The following SPANXB1 variants were observed in gnomAD, a reference collection of about 807,000 sequenced individuals.
The protein encoded by SPANXB1 is SPANX family member B1, also known as sperm protein associated with the nucleus on the X chromosome B1.
In SPANXB1, 1 loss-of-function variant was observed where a neutral mutation model predicts 2.0. The ratio of observed to expected loss-of-function variants is 0.49; its 90% CI spans 0.18 to 2.34. SPANXB1 has a LOEUF of 2.34. SPANXB1 is among the 30% of genes most tolerant of loss of function. The probability of loss-of-function intolerance (pLI) is 0.26; values close to 1 mark genes in which losing one functional copy is unlikely to be tolerated. For missense variants in SPANXB1, 70 were observed against 87.5 expected (o/e 0.80, Z 0.80); for synonymous variants, 22 against 35.8 (o/e 0.61, Z 1.38).
Position 141,002,650 on chromosome X carries a change from A to G in SPANXB1, c.-44A>G. The G allele has an allele frequency of 8.2e-7, 1 of 1,212,402 alleles. No individual in the cohort carries two copies. The highest frequency in any genetic ancestry group is 1.1e-6 in the Non-Finnish European group (1 of 895,298). ...CTCTGGGCCACTGCGAAGATTCAAA[A>G]GCTCCAAAAACCTACTGTAGACATC... On this transcript the variant is annotated 5_prime_UTR_variant, in exon 1 of 2. Coordinates refer to ENST00000449283, the MANE Select transcript of SPANXB1 (RefSeq NM_032461.4).
intron 1 of SPANXB1, 106 bp downstream of exon 1, chrX:141,002,889 G>C: frequency 8.4e-7 from 1 of 1,184,405 alleles, no homozygotes; most frequent in Admixed American, 2.3e-5. Context: ...TTGTGGAAGT[G>C]GGGGGCCCGC....
rs1381431077 is a variant in SPANXB1, at chrX:141,003,445, A to C, written c.105A>C (p.Pro35=). 1.7e-5 allele frequency: 21 copies of C among 1,211,734 alleles called. No individual in the cohort carries two copies. In the East Asian group the frequency reaches 5.9e-4, roughly 34 times the overall value. Residue 35 remains proline (P), a synonymous_variant, in exon 2 of 2, where the codon CCA becomes CCC. Transcript: ENST00000449283. ...TTTCTTAACAGATGCCGGAGACCCC[A>C]ACTGGGGACTCAGACCCGCAACCTG... ...NEANKTMPET[P]TGDSDPQPAP... is the part of the protein sequence containing the mutation.
chrX:141,003,082 T>C (rs1477377480), intron 1 of SPANXB1, among the ~76,000 whole-genome samples: 1 of 113,219 alleles, frequency 8.8e-6, no homozygotes, highest in African/African-American at 3.2e-5. Context: ...CCAAGCAAGA[T>C]ATGATAGGGA....
chrX:141,003,101 C>T (rs1262896064), intron 1 of SPANXB1, among the ~76,000 whole-genome samples: 2 of 113,301 alleles, frequency 1.8e-5, no homozygotes, highest in Admixed American at 9.3e-5. Context: ...GATGTTTCTT[C>T]AGTTGGGCCT....
In SPANXB1 at chrX:141,002,705, A is replaced by T. The variant is rs2012325550; in HGVS notation, c.12A>T (p.Gln4His). Residue 4 changes from glutamine (Q) to histidine (H), a missense_variant, in exon 1 of 2, where the codon CAA (glutamine) becomes CAT (histidine). Physicochemically the swap from Gln to His is conservative, Grantham distance 24. Coordinates refer to ENST00000449283, the MANE Select transcript of SPANXB1 (RefSeq NM_032461.4). Reference sequence around the variant, plus strand: ...AACCAATATATACAATGGGCCAACAATCCAGTGTCCGCAGGCTGAAGAGGA... The same window carrying T: ...AACCAATATATACAATGGGCCAACATTCCAGTGTCCGCAGGCTGAAGAGGA... MGQ[Q>H]SSVRRLKRSV... 6 of 1,212,664 alleles carry T rather than the reference A, an allele frequency of 4.9e-6. No homozygotes were observed. Among genetic ancestry groups the T allele is most frequent in the Middle Eastern group, 4.6e-4 (2 of 4,351 alleles).
chrX:141,003,124 C>T (rs1278730379), intron 1 of SPANXB1, among the ~76,000 whole-genome samples: 11 of 113,314 alleles, frequency 9.7e-5, no homozygotes, highest in Middle Eastern at 4.6e-3. Context: ...GTCCGCCTTG[C>T]GGACAGGTGG....
At chrX:141,003,350 C>G (rs2012343981) in intron 1 of SPANXB1, 81 bp from the exon 2 acceptor site, 1 of 1,210,789 alleles carries the variant, frequency 8.3e-7, no homozygotes, top group Non-Finnish European at 1.1e-6. Context: ...TCCTTCTTCT[C>G]ATGAAGCCCC....
At chrX:141,003,403 T>C in intron 1 of SPANXB1, 28 bp from the exon 2 acceptor site, 1 of 1,212,166 alleles carries the variant, frequency 8.2e-7, no homozygotes, top group Non-Finnish European at 1.1e-6. Context: ...AATAATGTCC[T>C]CCTGGCCTCT....
In SPANXB1 at chrX:141,003,484, G is replaced by A. The variant is rs1369228520; in HGVS notation, c.144G>A (p.Met48Ile). Residue 48 changes from methionine (M) to isoleucine (I), a missense_variant, in exon 2 of 2, where the codon ATG becomes ATA. This residue lies in a region of SPANXB1 where 5 missense variants were observed against 37.4 expected (regional missense o/e 0.13). Transcript: ENST00000449283. The stretch of plus-strand genomic sequence containing the variant: ...ACCCGCAACCTGCTCCTAAAAAAAT[G>A]AAAACATCTGAGTCCTCGACCATAC... ...DSDPQPAPKK[M>I]KTSESSTILV... 76 of 1,211,533 alleles carry A rather than the reference G, an allele frequency of 6.3e-5. No individual in the cohort carries two copies. The highest frequency in any genetic ancestry group is 5.7e-4 in the African/African-American group (33 of 57,852).
Position 141,002,717 on chromosome X carries a change from C to A in SPANXB1, c.24C>A (p.Arg8=). 8.2e-7 allele frequency: 1 copy of A among 1,212,719 alleles called. No homozygotes were observed. The highest frequency in any genetic ancestry group is 1.1e-6 in the Non-Finnish European group (1 of 895,539). MGQQSSV[R]RLKRSVPCES... ...CAATGGGCCAACAATCCAGTGTCCG[C>A]AGGCTGAAGAGGAGCGTCCCCTGTG... The change falls in exon 1 of 2, where the codon CGC becomes CGA. Residue 8 remains arginine (R), a synonymous_variant. Coordinates refer to ENST00000449283, the MANE Select transcript of SPANXB1 (RefSeq NM_032461.4).
rs2012354112 is a variant in SPANXB1 at position 141,003,618 on chromosome X, T to C, written c.278T>C (p.Phe93Ser). The change falls in exon 2 of 2, where the codon TTC becomes TCC. Residue 93 changes from phenylalanine to serine, a missense_variant. Transcript: ENST00000449283. ...INPDQMEEEE[F>S]IEITTERPKK ...CCCGACCAAATGGAGGAGGAGGAAT[T>C]CATAGAAATAACGACTGAAAGACCT... 1 of 1,210,716 alleles carries C rather than the reference T, an allele frequency of 8.3e-7. No homozygotes were observed. The highest frequency in any genetic ancestry group is 1.7e-5 in the African/African-American group (1 of 58,107).
Position 141,003,573 on chromosome X carries a change from C to T in SPANXB1, c.233C>T (p.Ala78Val). ...TSPEELLNDH[A>V]RENRINPDQM... is the part of the protein sequence containing the mutation. ...CCAGAGGAACTGCTGAATGACCACG[C>T]CCGAGAGAACAGAATCAACCCCGAC... Residue 78 changes from alanine (A) to valine (V), a missense_variant, in exon 2 of 2, where the codon GCC (alanine) becomes GTC (valine). Physicochemically the swap from Ala to Val is moderately conservative, Grantham distance 64. This residue lies in a region of SPANXB1 where 23 missense variants were observed against 25.2 expected (regional missense o/e 0.91). Coordinates refer to ENST00000449283, the MANE Select transcript of SPANXB1 (RefSeq NM_032461.4). The T allele has an allele frequency of 1.6e-6, 2 of 1,212,665 alleles. No individual in the cohort carries two copies. Among genetic ancestry groups the T allele is most frequent in the East Asian group, 5.9e-5 (2 of 33,843 alleles).
chrX:141,002,664 A>G lies in SPANXB1; in HGVS notation c.-30A>G. ...GAAGATTCAAAAGCTCCAAAAACCT[A>G]CTGTAGACATCGAAGAACCAATATA... On this transcript the variant is annotated 5_prime_UTR_variant, in exon 1 of 2. Coordinates refer to ENST00000449283, the MANE Select transcript of SPANXB1 (RefSeq NM_032461.4). 1.6e-6 allele frequency: 2 copies of G among 1,212,467 alleles called. No homozygotes were observed. The highest frequency in any genetic ancestry group is 3.5e-5 in the South Asian group (2 of 57,063).
chrX:141,002,907 C>G, intron 1 of SPANXB1, 124 bp downstream of exon 1: 1 of 1,158,077 alleles, frequency 8.6e-7, no homozygotes, highest in South Asian at 1.8e-5. Flanking sequence ...CGCTTAATGC[C>G]AGAGCCCACC....
rs2012334027 is a variant in SPANXB1 at position 141,002,935 on chromosome X, G to A, written c.90+152G>A. ...AGCCCACCGCCGCTTACAACCTGGG[G>A]TGCTTGTAGGTAGGGGTGGGAGGGG... On this transcript the variant is annotated intron_variant, in intron 1 of 1. Transcript: ENST00000449283. 3.6e-6 allele frequency: 4 copies of A among 1,102,569 alleles called. No individual in the cohort carries two copies. The South Asian group carries it at 7.8e-5, about 21-fold the overall frequency. The allele number at this position is 1,102,569 out of a possible 1,213,427, so 90.9% of individuals were successfully genotyped here. A position where few individuals can be genotyped will look rare whatever the true frequency, so the allele number is the denominator to read the frequency against.
At position 141,002,718 on chromosome X, in the gene SPANXB1, A is replaced by C. The variant is rs1369299142; in HGVS notation, c.25A>C (p.Arg9=). ...AATGGGCCAACAATCCAGTGTCCGC[A>C]GGCTGAAGAGGAGCGTCCCCTGTGA... MGQQSSVR[R]LKRSVPCESN... Residue 9 remains arginine (R), a synonymous_variant, in exon 1 of 2, where the codon AGG becomes CGG. Coordinates refer to ENST00000449283, the MANE Select transcript of SPANXB1 (RefSeq NM_032461.4). 11 of 1,212,144 alleles carry C rather than the reference A, an allele frequency of 9.1e-6. No individual in the cohort carries two copies. The highest frequency in any genetic ancestry group is 1.1e-5 in the Non-Finnish European group (10 of 895,442).
rs1259136219 is a variant in SPANXB1, at chrX:141,002,700, C to A, written c.7C>A (p.Gln3Lys). ...CGAAGAACCAATATATACAATGGGC[C>A]AACAATCCAGTGTCCGCAGGCTGAA... MG[Q>K]QSSVRRLKRS... Residue 3 changes from glutamine (Q) to lysine (K), a missense_variant, in exon 1 of 2, where the codon CAA becomes AAA. Gln to Lys is a moderately conservative substitution (Grantham distance 53). Transcript: ENST00000449283. 8 of 1,211,996 alleles carry A rather than the reference C, an allele frequency of 6.6e-6. No individual in the cohort carries two copies. The highest frequency in any genetic ancestry group is 5.2e-5 in the African/African-American group (3 of 58,107).
chrX:141,002,991 A>C (rs1239432572), intron 1 of SPANXB1, among the ~76,000 whole-genome samples: 1 of 113,449 alleles, frequency 8.8e-6, no homozygotes, highest in African/African-American at 3.2e-5. Context: ...GCCCGGCAGG[A>C]TATTGATAAG....
intron 1 of SPANXB1, among the ~76,000 whole-genome samples, chrX:141,002,998 T>C (rs1450702997): frequency 1.8e-5 from 2 of 113,428 alleles, no homozygotes; most frequent in African/African-American, 6.3e-5. Context: ...AGGATATTGA[T>C]AAGATGTTCT....
Sources: allele counts gnomAD v4.1 joint callset (sites outside exome capture counted in the v4.1 genomes callset), GRCh38; gene constraint gnomAD v4.1.1; regional missense constraint gnomAD v4.1.1; transcripts MANE v1.5; gene names NCBI Gene and HGNC (gene_info 2026-07-23, HGNC 2026-07-21).